Variants in KCND2 observed in about 807,000 individuals in gnomAD.
The protein encoded by KCND2 is potassium voltage-gated channel subfamily D member 2, also known as A-type voltage-gated potassium channel KCND2.
A neutral mutation model predicts 54.4 loss-of-function variants in KCND2; 16 were observed. That is an observed-to-expected ratio of 0.29 (90% CI 0.20 to 0.45). KCND2 has a LOEUF of 0.45. Among genes scored for constraint, KCND2 ranks in the 20% least tolerant of loss-of-function variants. The pLI is 1.00. For synonymous variants in KCND2, 317 were observed against 310.7 expected (o/e 1.02, Z -0.21); for missense variants, 486 against 824.2 (o/e 0.59, Z 5.02).
intron 1 of KCND2, among the ~76,000 whole-genome samples, chr7:120,455,976 AT>A (rs1802193934): frequency 2.0e-5 from 3 of 152,216 alleles, no homozygotes; most frequent in Non-Finnish European, 4.4e-5. Context: ...AGTTAAAAAA[AT>A]AAAAGCACTT....
rs566784232 is a variant in KCND2, at chr7:120,536,036, T to A, written c.1116-196867T>A. ...TTAAGCTAGTCATCCATTTAAAGCA[T>A]TTTTGAAGTAGATAATAATAGGCTT... is the stretch of plus-strand genomic sequence containing the variant. On this transcript the variant is annotated intron_variant, in intron 1 of 5. Coordinates refer to ENST00000331113, the MANE Select transcript of KCND2 (RefSeq NM_012281.3). Among the ~76,000 whole-genome samples the A allele has an allele frequency of 9.9e-5, 15 of 152,268 alleles. No individual in the cohort carries two copies. In the East Asian group the frequency reaches 2.9e-3, roughly 29 times the overall value.
intron 1 of KCND2, among the ~76,000 whole-genome samples, chr7:120,483,088 G>C (rs189093936): frequency 6.6e-6 from 1 of 152,184 alleles, no homozygotes; most frequent in Non-Finnish European, 1.5e-5. Context: ...TGAAAGCATA[G>C]GTTCTTAATC....
At chr7:120,643,002 T>C (rs1326425141) in intron 1 of KCND2, among the ~76,000 whole-genome samples, 1 of 152,214 alleles carries the variant, frequency 6.6e-6, no homozygotes, top group Non-Finnish European at 1.5e-5. Flanking sequence ...TCCCACAGTG[T>C]ATTATTCCAT....
Position 120,503,631 on chromosome 7 carries a change from A to G in KCND2, c.1115+227884A>G, listed in dbSNP as rs114165096. Among the ~76,000 whole-genome samples, 969 of 151,950 alleles carry G rather than the reference A, an allele frequency of 6.4e-3. 10 individuals carry two copies. Among genetic ancestry groups the G allele is most frequent in the African/African-American group, 0.022 (895 of 41,466 alleles). Reference sequence around the variant, plus strand: ...CCTTCGTTATTTATTTATGAAGATGATGAAAGCTTGCCCACGATTCTGCTC... The same window carrying G: ...CCTTCGTTATTTATTTATGAAGATGGTGAAAGCTTGCCCACGATTCTGCTC... On this transcript the variant is annotated intron_variant, in intron 1 of 5. Transcript: ENST00000331113.
intron 1 of KCND2, among the ~76,000 whole-genome samples, chr7:120,399,359 G>GA (rs1584762703): frequency 1.3e-5 from 2 of 150,414 alleles, no homozygotes; most frequent in Admixed American, 6.6e-5. Flanking sequence ...TTACATAAGA[G>GA]AAAAAAACAT....
At chr7:120,676,667 T>C (rs891925660) in intron 1 of KCND2, among the ~76,000 whole-genome samples, 18 of 152,344 alleles carry the variant, frequency 1.2e-4, no homozygotes, top group Admixed American at 1.2e-3. Context: ...AGTTATGAAG[T>C]GAACAAAAGT....
intron 1 of KCND2, among the ~76,000 whole-genome samples, chr7:120,364,302 T>G (rs1280067362): frequency 6.6e-6 from 1 of 152,128 alleles, no homozygotes; most frequent in Non-Finnish European, 1.5e-5. Context: ...TCCTAAGTGC[T>G]CTCCAGAAAG....
At chr7:120,395,348 C>A (rs1386953096) in intron 1 of KCND2, among the ~76,000 whole-genome samples, 4 of 151,908 alleles carry the variant, frequency 2.6e-5, no homozygotes, top group Non-Finnish European at 4.4e-5. Flanking sequence ...TGGTTTTATT[C>A]CTATTTCATT....
chr7:120,505,492 C>T (rs950836030), intron 1 of KCND2, among the ~76,000 whole-genome samples: 3 of 151,666 alleles, frequency 2.0e-5, no homozygotes, highest in Non-Finnish European at 4.4e-5. Flanking sequence ...TATAGAGAAA[C>T]GGCATGTTTG....
chr7:120,685,134 G>A (rs981410652), intron 1 of KCND2, among the ~76,000 whole-genome samples: 1 of 152,114 alleles, frequency 6.6e-6, no homozygotes, highest in Admixed American at 6.6e-5. Flanking sequence ...AAAGTTTCGG[G>A]ACTGCTGGTT....
chr7:120,331,868 C>G (rs1038460367), intron 1 of KCND2, among the ~76,000 whole-genome samples: 2 of 151,854 alleles, frequency 1.3e-5, no homozygotes, highest in African/African-American at 2.4e-5. Flanking sequence ...TTTAAAATAC[C>G]TTCATTTTAT....
intron 1 of KCND2, among the ~76,000 whole-genome samples, chr7:120,489,099 C>T (rs1802734536): frequency 6.6e-6 from 1 of 151,792 alleles, no homozygotes; most frequent in Non-Finnish European, 1.5e-5. Flanking sequence ...TAAACATGGG[C>T]CAAAATAATA....
intron 2 of KCND2, among the ~76,000 whole-genome samples, chr7:120,734,454 G>T (rs1013968078): frequency 6.6e-6 from 1 of 152,048 alleles, no homozygotes; most frequent in African/African-American, 2.4e-5. Context: ...TTAAGCAATT[G>T]TAAAGTCACA....
chr7:120,729,252 G>A (rs901516002), intron 1 of KCND2, among the ~76,000 whole-genome samples: 3 of 152,154 alleles, frequency 2.0e-5, no homozygotes, highest in Non-Finnish European at 4.4e-5. Flanking sequence ...TAAATGAGAA[G>A]AGAGACAAAA....
intron 1 of KCND2, among the ~76,000 whole-genome samples, chr7:120,699,056 G>A (rs55886188): frequency 0.28 from 42,796 of 151,858 alleles, 6,550 homozygotes; most frequent in East Asian, 0.44. Flanking sequence ...CGAGGTGGGC[G>A]GATCATGAGG....
chr7:120,719,829 C>T (rs1792645882), intron 1 of KCND2, among the ~76,000 whole-genome samples: 1 of 152,100 alleles, frequency 6.6e-6, no homozygotes, highest in Non-Finnish European at 1.5e-5. Flanking sequence ...TAATTTATTA[C>T]TGATGGCATT....
intron 1 of KCND2, among the ~76,000 whole-genome samples, chr7:120,343,849 A>G (rs1463724862): frequency 6.6e-6 from 1 of 152,198 alleles, no homozygotes; most frequent in Non-Finnish European, 1.5e-5. Context: ...AGCACTATAT[A>G]ATCATATGCA....
intron 1 of KCND2, among the ~76,000 whole-genome samples, chr7:120,461,768 G>A (rs928658083): frequency 4.6e-5 from 7 of 152,070 alleles, no homozygotes; most frequent in African/African-American, 1.4e-4. Context: ...ACAGATTTCT[G>A]TTCCCATTTA....
intron 1 of KCND2, among the ~76,000 whole-genome samples, chr7:120,342,595 T>A (rs918989445): frequency 6.6e-6 from 1 of 152,190 alleles, no homozygotes; most frequent in African/African-American, 2.4e-5. Context: ...ACAACAGTCA[T>A]AAGAAAATCA....
Sources: allele counts gnomAD v4.1 joint callset (sites outside exome capture counted in the v4.1 genomes callset), GRCh38; gene constraint gnomAD v4.1.1; transcripts MANE v1.5; gene names NCBI Gene and HGNC (gene_info 2026-07-23, HGNC 2026-07-21).